The following GALNTL6 variants were observed in gnomAD, a reference collection of about 807,000 sequenced individuals.
GALNTL6 encodes polypeptide N-acetylgalactosaminyltransferase-like 6.
Under a neutral mutation model 73.7 loss-of-function variants are expected in GALNTL6, and 46 were observed. The observed-to-expected ratio is 0.62, with a 90% CI of 0.49 to 0.80. GALNTL6 has a LOEUF of 0.80. GALNTL6 is among the 30% of genes least tolerant of loss of function. The pLI, the probability that GALNTL6 is intolerant of heterozygous loss-of-function variation, is 0.00. For missense variants in GALNTL6, 604 were observed against 755.0 expected (o/e 0.80, Z 2.34); for synonymous variants, 259 against 263.7 (o/e 0.98, Z 0.17).
intron 3 of GALNTL6, among the ~76,000 whole-genome samples, chr4:172,244,193 C>A (rs1737547148): frequency 6.6e-6 from 1 of 152,038 alleles, no homozygotes. Flanking sequence ...CTTTGTCACT[C>A]ATTGCATAAT....
intron 3 of GALNTL6, among the ~76,000 whole-genome samples, chr4:172,236,515 C>A (rs917935256): frequency 2.0e-5 from 3 of 150,156 alleles, no homozygotes; most frequent in African/African-American, 4.9e-5. Flanking sequence ...AGCCAAGATG[C>A]GCCACTGCAC....
At chr4:172,033,202 ACT>A in intron 2 of GALNTL6, among the ~76,000 whole-genome samples, 1 of 151,838 alleles carries the variant, frequency 6.6e-6, no homozygotes, top group South Asian at 2.1e-4. Context: ...AGATCAGACA[ACT>A]CTGATTTTTG....
chr4:172,435,041 G>A (rs1561081745), intron 5 of GALNTL6, among the ~76,000 whole-genome samples: 2 of 152,012 alleles, frequency 1.3e-5, no homozygotes, highest in African/African-American at 4.8e-5. Flanking sequence ...TCAGTAAAAG[G>A]AGAATGGCAT....
At chr4:171,842,545 G>C (rs895792302) in intron 2 of GALNTL6, among the ~76,000 whole-genome samples, 1 of 152,098 alleles carries the variant, frequency 6.6e-6, no homozygotes, top group African/African-American at 2.4e-5. Flanking sequence ...GCATGGTGCT[G>C]TCATCCACTT....
chr4:172,342,501 A>G (rs1741604364), intron 4 of GALNTL6, among the ~76,000 whole-genome samples: 1 of 152,160 alleles, frequency 6.6e-6, no homozygotes, highest in East Asian at 1.9e-4. Context: ...AGATTGTAAA[A>G]TAATTTATGT....
intron 2 of GALNTL6, among the ~76,000 whole-genome samples, chr4:171,853,503 TTTC>T (rs1389247520): frequency 1.3e-5 from 2 of 151,418 alleles, no homozygotes; most frequent in Admixed American, 6.6e-5. Flanking sequence ...TTTTTTTTGT[TTTC>T]TTCTTTTCCT....
At chr4:172,783,484 ATAT>A (rs199512841) in intron 5 of GALNTL6, among the ~76,000 whole-genome samples, 2,646 of 147,880 alleles carry the variant, frequency 0.018, 77 homozygotes, top group African/African-American at 0.06. Flanking sequence ...ACTATTAATA[ATAT>A]TATACACTAT....
chr4:172,340,759 C>G (rs1741530937), intron 4 of GALNTL6, among the ~76,000 whole-genome samples: 1 of 152,196 alleles, frequency 6.6e-6, no homozygotes, highest in Non-Finnish European at 1.5e-5. Context: ...TCTTTCCATA[C>G]TCCACCTAAT....
intron 2 of GALNTL6, among the ~76,000 whole-genome samples, chr4:171,943,704 G>A (rs1006294855): frequency 2.6e-5 from 4 of 152,094 alleles, no homozygotes; most frequent in Non-Finnish European, 5.9e-5. Flanking sequence ...TGTTCTTAAC[G>A]CTTTCTCAGA....
chr4:172,430,691 G>A (rs1315566774), intron 5 of GALNTL6, among the ~76,000 whole-genome samples: 3 of 152,066 alleles, frequency 2.0e-5, no homozygotes, highest in Non-Finnish European at 4.4e-5. Flanking sequence ...TATAGTACCA[G>A]CTACTCGGGA....
chr4:172,719,707 C>T (rs950437331), intron 5 of GALNTL6, among the ~76,000 whole-genome samples: 4 of 151,994 alleles, frequency 2.6e-5, no homozygotes, highest in African/African-American at 9.7e-5. Context: ...TGGATCCAGA[C>T]CCCAAGAGAG....
intron 2 of GALNTL6, among the ~76,000 whole-genome samples, chr4:172,000,823 C>G (rs908232364): frequency 7.2e-5 from 11 of 152,160 alleles, no homozygotes; most frequent in African/African-American, 2.7e-4. Context: ...AGAACTCATG[C>G]TCTTCCCGTT....
chr4:172,074,071 A>T (rs1365928570), intron 2 of GALNTL6, among the ~76,000 whole-genome samples: 3 of 152,192 alleles, frequency 2.0e-5, no homozygotes, highest in Non-Finnish European at 4.4e-5. Flanking sequence ...GTTTATTGTG[A>T]CTAATCTCAA....
intron 10 of GALNTL6, among the ~76,000 whole-genome samples, chr4:172,953,125 T>C (rs566314978): frequency 2.5e-4 from 38 of 152,302 alleles, no homozygotes; most frequent in Non-Finnish European, 4.9e-4. Flanking sequence ...GCACCAACCT[T>C]TCCACCTCTG....
At chr4:171,956,596 T>G (rs1333262600) in intron 2 of GALNTL6, among the ~76,000 whole-genome samples, 1 of 152,240 alleles carries the variant, frequency 6.6e-6, no homozygotes, top group Non-Finnish European at 1.5e-5. Flanking sequence ...TCTTCTTTTG[T>G]GAATTGTTTA....
chr4:172,353,063 G>A (rs1197031291), intron 5 of GALNTL6, among the ~76,000 whole-genome samples: 1 of 152,078 alleles, frequency 6.6e-6, no homozygotes, highest in African/African-American at 2.4e-5. Context: ...CTCACCAGAT[G>A]AATCAGAATC....
intron 5 of GALNTL6, among the ~76,000 whole-genome samples, chr4:172,638,127 T>G (rs1739780815): frequency 6.6e-6 from 1 of 152,114 alleles, no homozygotes; most frequent in South Asian, 2.1e-4. Flanking sequence ...CAGAAGTGAC[T>G]GAAAACCACA....
chr4:172,565,121 C>T (rs1736510943), intron 5 of GALNTL6, among the ~76,000 whole-genome samples: 1 of 152,170 alleles, frequency 6.6e-6, no homozygotes, highest in Non-Finnish European at 1.5e-5. Context: ...TCCTTTCAAC[C>T]TCTTTTATAA....
chr4:172,996,557 T>A (rs1561076809), intron 10 of GALNTL6, among the ~76,000 whole-genome samples: 1 of 152,214 alleles, frequency 6.6e-6, no homozygotes, highest in Non-Finnish European at 1.5e-5. Context: ...AAAACTTTTT[T>A]TAACTTAAAA....
Sources: allele counts gnomAD v4.1 joint callset (sites outside exome capture counted in the v4.1 genomes callset), GRCh38; gene constraint gnomAD v4.1.1; transcripts MANE v1.5; gene names NCBI Gene and HGNC (gene_info 2026-07-23, HGNC 2026-07-21).